Variants in TCF25 observed in about 807,000 individuals in gnomAD.
The protein encoded by TCF25 is TCF25 ribosome quality control complex subunit, also known as ribosome quality control complex subunit TCF25.
Under a neutral mutation model 83.1 loss-of-function variants are expected in TCF25, and 41 were observed. The observed-to-expected ratio is 0.49, with a 90% CI of 0.38 to 0.64. The LOEUF (loss-of-function observed/expected upper bound fraction) is 0.64, where lower values mean the gene tolerates loss of function less well. Among genes scored for constraint, TCF25 ranks in the 30% least tolerant of loss-of-function variants. TCF25 has a pLI of 0.00. For synonymous variants in TCF25, 458 were observed against 365.0 expected (o/e 1.25, Z -2.90); for missense variants, 979 against 914.5 (o/e 1.07, Z -0.91).
chr16:89,905,334 G>A (rs1001622245), intron 14 of TCF25, among the ~76,000 whole-genome samples: 4 of 152,274 alleles, frequency 2.6e-5, no homozygotes, highest in African/African-American at 4.8e-5. Context: ...CGGGTGCCTC[G>A]GGCTGGAGTG....
intron 16 of TCF25, chr16:89,910,168 G>A (rs902026144): frequency 3.3e-5 from 6 of 184,428 alleles, no homozygotes; most frequent in South Asian, 1.1e-4. Context: ...CTGTAGAGCC[G>A]GGCCGGTAGC....
At chr16:89,897,457 G>C (rs892053040) in intron 9 of TCF25, among the ~76,000 whole-genome samples, 3 of 152,212 alleles carry the variant, frequency 2.0e-5, no homozygotes, top group Non-Finnish European at 4.4e-5. Flanking sequence ...TGTGGGATCC[G>C]CTCCTACCCT....
At chr16:89,910,285 G>A (rs937005127) in intron 16 of TCF25, 2 of 448,070 alleles carry the variant, frequency 4.5e-6, no homozygotes, top group African/African-American at 2.0e-5. Flanking sequence ...TTTCTGAAAA[G>A]CAAGGCACCT....
At chr16:89,884,493 G>A (rs62052174) in intron 2 of TCF25, 89 bp from the exon 3 acceptor site, 130,873 of 1,377,740 alleles carry the variant, frequency 0.095, 7,230 homozygotes, top group East Asian at 0.19. Flanking sequence ...GGCTGCTTAG[G>A]TGAGGGTGGA....
intron 1 of TCF25, among the ~76,000 whole-genome samples, chr16:89,875,907 G>A (rs565307933): frequency 6.8e-6 from 1 of 148,094 alleles, no homozygotes; most frequent in African/African-American, 2.5e-5. Context: ...GAACTCCTGG[G>A]TTCAGGTTAT....
intron 1 of TCF25, among the ~76,000 whole-genome samples, chr16:89,880,306 G>A (rs1041499900): frequency 6.6e-6 from 1 of 152,214 alleles, no homozygotes; most frequent in East Asian, 1.9e-4. Context: ...GGTGTTGGCC[G>A]GGCGCGGTGG....
At chr16:89,875,054 C>T (rs762735770) in intron 1 of TCF25, among the ~76,000 whole-genome samples, 2 of 152,296 alleles carry the variant, frequency 1.3e-5, no homozygotes, top group East Asian at 1.9e-4. Context: ...GGCTGGAGTG[C>T]ATTGGCACAA....
intron 1 of TCF25, among the ~76,000 whole-genome samples, chr16:89,874,390 T>G (rs1242471542): frequency 2.6e-5 from 4 of 151,772 alleles, no homozygotes; most frequent in Non-Finnish European, 5.9e-5. Flanking sequence ...GGCCACGGCG[T>G]AGGGGCAGGA....
chr16:89,907,856 A>T (rs200953853), intron 16 of TCF25, among the ~76,000 whole-genome samples: 1 of 2,538 alleles, frequency 3.9e-4, no homozygotes, highest in Admixed American at 4.2e-3. Flanking sequence ...CCTCCTTCCA[A>T]TTCCCACCTC....
intron 16 of TCF25, chr16:89,909,393 C>A (rs1271042129): frequency 2.5e-5 from 7 of 280,340 alleles, no homozygotes; most frequent in South Asian, 1.8e-4. Flanking sequence ...CACCTGTAGT[C>A]CCAGCTACTT....
chr16:89,899,417 G>C (rs35542367), intron 11 of TCF25, among the ~76,000 whole-genome samples: 11,412 of 152,286 alleles, frequency 0.075, 647 homozygotes, highest in East Asian at 0.26. Flanking sequence ...CACCTGTTTT[G>C]TCTTTAATGC....
chr16:89,885,023 C>A (rs1392580164), intron 3 of TCF25, among the ~76,000 whole-genome samples: 1 of 124,358 alleles, frequency 8.0e-6, no homozygotes. Context: ...CTGCCTGACG[C>A]CCTCTCCCTC....
intron 16 of TCF25, among the ~76,000 whole-genome samples, chr16:89,908,650 C>T (rs996486571): frequency 1.5e-5 from 2 of 130,990 alleles, no homozygotes; most frequent in Admixed American, 7.5e-5. Flanking sequence ...CCTCCCAGCT[C>T]CCACCTCCCA....
chr16:89,876,526 A>C (rs2042203372), intron 1 of TCF25, among the ~76,000 whole-genome samples: 1 of 152,162 alleles, frequency 6.6e-6, no homozygotes, highest in African/African-American at 2.4e-5. Flanking sequence ...GGCCTCCCAA[A>C]GTGCTGGAAT....
At chr16:89,883,637 C>A in intron 2 of TCF25, 125 bp downstream of exon 2, 2 of 1,132,908 alleles carry the variant, frequency 1.8e-6, no homozygotes, top group Non-Finnish European at 2.4e-6. Flanking sequence ...TGGTTACCTG[C>A]TAGTTGCCCC....
chr16:89,904,154 C>G lies in TCF25; in HGVS notation c.1418C>G (p.Pro473Arg). 1.9e-6 allele frequency: 3 copies of G among 1,605,626 alleles called. No individual in the cohort carries two copies. Among genetic ancestry groups the G allele is most frequent in the Admixed American group, 1.7e-5 (1 of 59,098 alleles). Residue 473 changes from proline to arginine, a missense_variant, in exon 13 of 18, where the codon CCC becomes CGC. Coordinates refer to ENST00000263346, the MANE Select transcript of TCF25 (RefSeq NM_014972.3). ...CTGCTCGAGTCTTGCAGTGTGCGGC[C>G]CGACGCCAGCGTTTCCAGTCACCGC... ...LPLLESCSVR[P>R]DASVSSHRFF... is the part of the protein sequence containing the mutation.
chr16:89,876,785 C>T (rs981240785), intron 1 of TCF25, among the ~76,000 whole-genome samples: 2 of 151,592 alleles, frequency 1.3e-5, no homozygotes, highest in East Asian at 1.9e-4. Flanking sequence ...AAAAATTAGC[C>T]GGGTGTGGCG....
At chr16:89,899,009 C>A in intron 11 of TCF25, 137 bp downstream of exon 11, 1 of 833,404 alleles carries the variant, frequency 1.2e-6, no homozygotes, top group Non-Finnish European at 1.9e-6. Context: ...CCACGTCCTC[C>A]TGCCTTGTTT....
At chr16:89,890,012 G>A (rs2043305769) in intron 5 of TCF25, 1 of 152,286 alleles carries the variant, frequency 6.6e-6, no homozygotes, top group African/African-American at 2.4e-5. Flanking sequence ...TGGGATTACA[G>A]GCGAGTGCCA....
Sources: gnomAD v4.1 joint callset for allele counts (sites outside exome capture counted in the v4.1 genomes callset) on GRCh38, gnomAD v4.1.1 for gene constraint, MANE v1.5 for transcripts, NCBI Gene and HGNC (gene_info 2026-07-23, HGNC 2026-07-21) for gene names.